PTPRD: variants seen among roughly 807,000 people sequenced by gnomAD.
PTPRD encodes receptor-type tyrosine-protein phosphatase delta.
PTPRD carries 34 observed loss-of-function variants against 214.5 expected under a neutral mutation model. That is an observed-to-expected ratio of 0.16 (90% confidence interval 0.12 to 0.21). PTPRD has a LOEUF of 0.21. Among genes scored for constraint, PTPRD ranks in the 10% least tolerant of loss-of-function variants. The pLI, the probability that PTPRD is intolerant of heterozygous loss-of-function variation, is 1.00. For synonymous variants in PTPRD, 1,128 were observed against 845.7 expected, an observed-to-expected ratio of 1.33 and a Z score of -5.79; for missense variants, 2,545 against 2,398.7, an observed-to-expected ratio of 1.06 and a Z score of -1.27.
At chr9:9,223,164 G>T (rs1217693616) in intron 9 of PTPRD, among the ~76,000 whole-genome samples, 1 of 151,932 alleles carries the variant, frequency 6.6e-6, no homozygotes, top group African/African-American at 2.4e-5. Flanking sequence ...CTCTAAGTGG[G>T]CAGATATTTT....
intron 2 of PTPRD, among the ~76,000 whole-genome samples, chr9:10,569,812 T>C (rs1439938311): frequency 6.6e-6 from 1 of 152,080 alleles, no homozygotes; most frequent in East Asian, 1.9e-4. Flanking sequence ...TAAATTAAAA[T>C]AATGCATATA....
chr9:10,522,981 A>G (rs2052870700), intron 2 of PTPRD, among the ~76,000 whole-genome samples: 1 of 152,090 alleles, frequency 6.6e-6, no homozygotes, highest in Non-Finnish European at 1.5e-5. Context: ...AAATAAGTAT[A>G]TAATATGAAG....
intron 14 of PTPRD, among the ~76,000 whole-genome samples, chr9:8,570,580 A>G (rs1235246732): frequency 2.0e-5 from 3 of 152,084 alleles, no homozygotes; most frequent in Non-Finnish European, 4.4e-5. Context: ...TTTTTACACC[A>G]ATGACTGCCC....
intron 14 of PTPRD, among the ~76,000 whole-genome samples, chr9:8,555,761 A>G (rs563373595): frequency 3.3e-5 from 5 of 152,328 alleles, no homozygotes; most frequent in Non-Finnish European, 7.3e-5. Context: ...CTTTGTCTAC[A>G]TCTAGAAAGA....
chr9:9,325,162 C>G (rs10977665), intron 9 of PTPRD, among the ~76,000 whole-genome samples: 17,214 of 152,154 alleles, frequency 0.11, 1,307 homozygotes, highest in Non-Finnish European at 0.16. Context: ...TTAGGATTGT[C>G]TTGGCAATGT....
intron 11 of PTPRD, among the ~76,000 whole-genome samples, chr9:8,899,095 A>C (rs2098643888): frequency 6.6e-6 from 1 of 152,078 alleles, no homozygotes; most frequent in Non-Finnish European, 1.5e-5. Context: ...TTCTCTCTTA[A>C]AGAGAGCTGC....
intron 14 of PTPRD, among the ~76,000 whole-genome samples, chr9:8,618,264 A>G (rs2095678289): frequency 6.6e-6 from 1 of 152,118 alleles, no homozygotes; most frequent in East Asian, 1.9e-4. Flanking sequence ...TTTGTAAGAT[A>G]TTTGGGTTCT....
chr9:10,065,163 G>GAAAGAAAGAAAGAA (rs1223853073), intron 3 of PTPRD, among the ~76,000 whole-genome samples: 1 of 150,218 alleles, frequency 6.7e-6, no homozygotes, highest in Non-Finnish European at 1.5e-5. Flanking sequence ...AAGAAAGAAA[G>GAAAGAAAGAAAGAA]AAAGAAAGAA....
chr9:10,054,404 C>T (rs1305515106), intron 3 of PTPRD, among the ~76,000 whole-genome samples: 1 of 152,038 alleles, frequency 6.6e-6, no homozygotes, highest in East Asian at 1.9e-4. Context: ...TTAATATTTG[C>T]CTAGAACCAA....
intron 9 of PTPRD, among the ~76,000 whole-genome samples, chr9:9,378,290 T>C (rs2061331080): frequency 6.6e-6 from 1 of 152,170 alleles, no homozygotes; most frequent in Non-Finnish European, 1.5e-5. Context: ...ATATATCTTT[T>C]TCAGATGGCC....
intron 9 of PTPRD, among the ~76,000 whole-genome samples, chr9:9,392,675 C>G (rs990568450): frequency 1.3e-5 from 2 of 152,140 alleles, no homozygotes; most frequent in African/African-American, 4.8e-5. Flanking sequence ...TTGAACCTTG[C>G]TTTTACGTAA....
intron 2 of PTPRD, among the ~76,000 whole-genome samples, chr9:10,343,460 T>G (rs907439425): frequency 6.6e-6 from 1 of 152,066 alleles, no homozygotes; most frequent in Non-Finnish European, 1.5e-5. Flanking sequence ...GTCTTTATAG[T>G]AGCATGATTT....
chr9:8,464,466 G>T (rs529737592), intron 32 of PTPRD, among the ~76,000 whole-genome samples: 4 of 151,970 alleles, frequency 2.6e-5, no homozygotes, highest in Non-Finnish European at 2.9e-5. Context: ...TTTGTGTTTT[G>T]ATTTTCCACG....
intron 2 of PTPRD, among the ~76,000 whole-genome samples, chr9:10,508,386 G>A (rs546905251): frequency 1.5e-4 from 23 of 152,258 alleles, no homozygotes; most frequent in African/African-American, 4.8e-4. Flanking sequence ...AAGACAGTGC[G>A]GCGATTCCTC....
intron 7 of PTPRD, among the ~76,000 whole-genome samples, chr9:9,684,943 G>C (rs894361541): frequency 1.3e-5 from 2 of 151,516 alleles, no homozygotes; most frequent in Non-Finnish European, 3.0e-5. Context: ...AATAAGAATA[G>C]ATTATACATC....
At chr9:9,874,535 G>A (rs2066330427) in intron 5 of PTPRD, among the ~76,000 whole-genome samples, 1 of 152,034 alleles carries the variant, frequency 6.6e-6, no homozygotes, top group South Asian at 2.1e-4. Context: ...ACCTAAAACA[G>A]GTGCTAGATT....
intron 5 of PTPRD, among the ~76,000 whole-genome samples, chr9:9,924,139 G>C (rs529065760): frequency 6.6e-6 from 1 of 152,082 alleles, no homozygotes; most frequent in African/African-American, 2.4e-5. Flanking sequence ...GATTTCACCA[G>C]AAACAACACA....
intron 3 of PTPRD, among the ~76,000 whole-genome samples, chr9:10,277,393 G>A (rs1051824317): frequency 1.3e-5 from 2 of 151,982 alleles, no homozygotes; most frequent in African/African-American, 2.4e-5. Flanking sequence ...GAACAAAAAC[G>A]ACAATGATCC....
chr9:9,659,078 T>C (rs1254653260), intron 7 of PTPRD, among the ~76,000 whole-genome samples: 1 of 152,108 alleles, frequency 6.6e-6, no homozygotes, highest in Non-Finnish European at 1.5e-5. Context: ...GGTGAAGATA[T>C]AATTACAGGA....
Sources: allele counts gnomAD v4.1 joint callset (sites outside exome capture counted in the v4.1 genomes callset), GRCh38; gene constraint gnomAD v4.1.1; transcripts MANE v1.5; gene names NCBI Gene and HGNC (gene_info 2026-07-23, HGNC 2026-07-21).